Variants in PCNT observed in about 807,000 individuals in gnomAD.
The protein encoded by PCNT is pericentrin, also known as kendrin.
In PCNT, 319 loss-of-function variants were observed where a neutral mutation model predicts 380.4. The observed-to-expected ratio is 0.84, with a 90% CI of 0.77 to 0.92. The LOEUF (loss-of-function observed/expected upper bound fraction) is 0.92, where lower values mean the gene tolerates loss of function less well. Ranked by LOEUF, PCNT falls within the 40% of genes least tolerant of loss-of-function variation. PCNT has a pLI of 0.00. For missense variants in PCNT, 4,400 were observed against 4,255.3 expected, an observed-to-expected ratio of 1.03 and a Z score of -0.95; for synonymous variants, 1,845 against 1,735.2, an observed-to-expected ratio of 1.06 and a Z score of -1.57.
At chr21:46,402,061 C>G (rs2147499606) in intron 26 of PCNT, among the ~76,000 whole-genome samples, 1 of 152,220 alleles carries the variant, frequency 6.6e-6, no homozygotes, top group East Asian at 1.9e-4. Flanking sequence ...ACCATGTTGG[C>G]CAGGCTGGTT....
At chr21:46,409,283 G>A (rs7281777) in intron 27 of PCNT, among the ~76,000 whole-genome samples, 19,050 of 148,362 alleles carry the variant, frequency 0.13, 1,274 homozygotes, top group South Asian at 0.21. Flanking sequence ...CCGCCTCCCA[G>A]GCTCAAGCAG....
At chr21:46,372,863 C>T (rs1250052960) in intron 15 of PCNT, among the ~76,000 whole-genome samples, 4 of 152,192 alleles carry the variant, frequency 2.6e-5, no homozygotes, top group African/African-American at 9.6e-5. Context: ...GTGGGTCTGT[C>T]TTCTCTGGAA....
At chr21:46,346,282 TG>T in intron 4 of PCNT, 74 bp downstream of exon 4, 1 of 550,608 alleles carries the variant, frequency 1.8e-6, no homozygotes, top group Admixed American at 2.2e-5. Context: ...GGCATCCGGG[TG>T]GGGGTGGGGT....
chr21:46,359,098 G>A (rs993731175), intron 13 of PCNT, among the ~76,000 whole-genome samples: 24 of 152,036 alleles, frequency 1.6e-4, no homozygotes, highest in African/African-American at 4.8e-4. Context: ...GTGAGCCACC[G>A]CACCCAACCA....
chr21:46,349,876 T>C, intron 8 of PCNT, 56 bp downstream of exon 8: 1 of 1,529,792 alleles, frequency 6.5e-7, no homozygotes. Flanking sequence ...TTTTAACAGA[T>C]TTTGGAATTG....
At chr21:46,389,026 G>A (rs1569238757) in intron 18 of PCNT, 142 bp downstream of exon 18, 2 of 1,394,042 alleles carry the variant, frequency 1.4e-6, no homozygotes, top group African/African-American at 2.9e-5. Context: ...CGCACTTACA[G>A]AAGGCCGAGA....
At position 46,413,026 on chromosome 21, in the gene PCNT, G is replaced by C. The variant is rs547655993; in HGVS notation, c.6150+34G>C. The C allele has an allele frequency of 6.6e-4, 1,040 of 1,581,770 alleles. 6 individuals are homozygous for C. The African/African-American group carries it at 9.4e-3, about 14-fold the overall frequency. The stretch of plus-strand genomic sequence containing the variant: ...AGGGGGGAAGGCGCGAGGTCCCCCC[G>C]GGAGAGGCTGGACACGCGGCAGCAA... On this transcript the variant is annotated intron_variant, in intron 29 of 46. Transcript: ENST00000359568.
rs543002268 is a variant in PCNT, at chr21:46,441,054, C to T, written c.9593C>T (p.Thr3198Met). The T allele has an allele frequency of 5.0e-6, 8 of 1,613,608 alleles. No individual in the cohort carries two copies. Among genetic ancestry groups the T allele is most frequent in the African/African-American group, 2.7e-5 (2 of 75,040 alleles). Residue 3198 changes from threonine to methionine, a missense_variant, in exon 43 of 47, where the codon ACG becomes ATG. Transcript: ENST00000359568. Reference sequence around the variant, plus strand: ...TCTCGTCCTTTCACCAGGTTCCGCACGGCCGTCAGGGTGGTCATTGCAATA... The same window carrying T: ...TCTCGTCCTTTCACCAGGTTCCGCATGGCCGTCAGGGTGGTCATTGCAATA... ...ITSRPFTRFR[T>M]AVRVVIAILR...
In PCNT at chr21:46,347,525, G is replaced by A. The variant is rs767520145; in HGVS notation, c.1032+13G>A. 43 of 1,613,200 alleles carry A rather than the reference G, an allele frequency of 2.7e-5. No individual in the cohort carries two copies. Among genetic ancestry groups the A allele is most frequent in the Middle Eastern group, 1.6e-4 (1 of 6,084 alleles). ...CCAGATAGTAAAGGTACCCGGGATC[G>A]ATTCTAAAATGCACGCCTCTGTGTA... On this transcript the variant is annotated intron_variant, in intron 6 of 46. Coordinates refer to ENST00000359568, the MANE Select transcript of PCNT (RefSeq NM_006031.6).
chr21:46,443,732 C>T (rs1428141172), intron 44 of PCNT, 78 bp from the exon 45 acceptor site: 1 of 1,386,786 alleles, frequency 7.2e-7, no homozygotes, highest in African/African-American at 1.4e-5. Flanking sequence ...TACGTTTAAA[C>T]TGTTGATAGA....
At chr21:46,371,209 T>C (rs1244012708) in intron 15 of PCNT, among the ~76,000 whole-genome samples, 1 of 128,324 alleles carries the variant, frequency 7.8e-6, no homozygotes, top group Non-Finnish European at 1.8e-5. Flanking sequence ...TTATTTTCTT[T>C]CTTTCTTTTT....
At chr21:46,418,989 G>A (rs1336291943) in intron 31 of PCNT, among the ~76,000 whole-genome samples, 5 of 152,184 alleles carry the variant, frequency 3.3e-5, no homozygotes, top group Admixed American at 1.3e-4. Context: ...TCATGCTCAC[G>A]CCCACTGGTC....
At chr21:46,347,350 G>A in intron 5 of PCNT, 107 bp from the exon 6 acceptor site, 1 of 1,071,026 alleles carries the variant, frequency 9.3e-7, no homozygotes, top group Non-Finnish European at 1.5e-6. Context: ...GCCCGTGAAT[G>A]CTGGCACGTG....
chr21:46,375,944 G>A (rs1263313538), intron 15 of PCNT, among the ~76,000 whole-genome samples: 1 of 152,250 alleles, frequency 6.6e-6, no homozygotes, highest in African/African-American at 2.4e-5. Flanking sequence ...GAAACAAAGC[G>A]AAGGTCAAGA....
chr21:46,414,118 A>T (rs919592224), intron 29 of PCNT, among the ~76,000 whole-genome samples: 12 of 151,766 alleles, frequency 7.9e-5, no homozygotes, highest in African/African-American at 2.9e-4. Flanking sequence ...CAGCCTCCCG[A>T]GTAGCTGGGA....
Position 46,437,037 on chromosome 21 carries a change from T to G in PCNT, c.9055T>G (p.Leu3019Val). ...EKAVMSLLHT[L>V]EELKSDLSRP... ...AGCAGTGATGTCTTTACTGCACACGTTGGAGGAGCTGAAGTCTGACTTGAG... is the reference window on the plus strand; with the variant it reads ...AGCAGTGATGTCTTTACTGCACACGGTGGAGGAGCTGAAGTCTGACTTGAG... Residue 3019 changes from leucine to valine, a missense_variant, in exon 40 of 47, where the codon TTG becomes GTG. Leu to Val is a conservative substitution (Grantham distance 32). Transcript: ENST00000359568. The G allele has an allele frequency of 1.2e-6, 2 of 1,614,222 alleles. No individual in the cohort carries two copies. The highest frequency in any genetic ancestry group is 1.7e-6 in the Non-Finnish European group (2 of 1,180,016).
At chr21:46,404,872 A>T (rs999320648) in intron 27 of PCNT, among the ~76,000 whole-genome samples, 1 of 152,052 alleles carries the variant, frequency 6.6e-6, no homozygotes, top group Non-Finnish European at 1.5e-5. Flanking sequence ...GAGATGGAGG[A>T]TGCAGTGAGC....
intron 32 of PCNT, among the ~76,000 whole-genome samples, chr21:46,422,557 G>A (rs924768549): frequency 2.0e-5 from 3 of 152,236 alleles, no homozygotes; most frequent in African/African-American, 7.2e-5. Flanking sequence ...AACCTTGAAG[G>A]CAGAATTTTG....
At chr21:46,430,472 A>G in intron 36 of PCNT, 35 bp from the exon 37 acceptor site, 2 of 1,548,882 alleles carry the variant, frequency 1.3e-6, no homozygotes, top group South Asian at 2.4e-5. Flanking sequence ...ACTCTGGCCC[A>G]CGTGGTCAGA....
Sources: allele counts gnomAD v4.1 joint callset (sites outside exome capture counted in the v4.1 genomes callset), GRCh38; gene constraint gnomAD v4.1.1; transcripts MANE v1.5; gene names NCBI Gene and HGNC (gene_info 2026-07-23, HGNC 2026-07-21).